Variants in CSMD1 observed in about 807,000 individuals in gnomAD.
CSMD1 encodes the protein CUB and sushi domain-containing protein 1.
In CSMD1, 213 loss-of-function variants were observed where a neutral mutation model predicts 417.5. The observed-to-expected ratio is 0.51, with a 90% CI of 0.46 to 0.57. CSMD1 has a LOEUF of 0.57. Ranked by LOEUF, CSMD1 falls within the 20% of genes least tolerant of loss-of-function variation. The pLI, the probability that CSMD1 is intolerant of heterozygous loss-of-function variation, is 0.00. For missense variants in CSMD1, 6,923 were observed against 4,529.7 expected, an observed-to-expected ratio of 1.53 and a Z score of -15.17; for synonymous variants, 2,862 against 1,736.8, an observed-to-expected ratio of 1.65 and a Z score of -16.11.
intron 7 of CSMD1, among the ~76,000 whole-genome samples, chr8:3,671,220 G>T (rs74365858): frequency 6.9e-6 from 1 of 145,544 alleles, no homozygotes; most frequent in Non-Finnish European, 1.5e-5. Flanking sequence ...TATAGGGGAT[G>T]TATGTATATG....
chr8:3,456,760 G>T (rs893188624), intron 12 of CSMD1, among the ~76,000 whole-genome samples: 1 of 152,086 alleles, frequency 6.6e-6, no homozygotes, highest in Non-Finnish European at 1.5e-5. Context: ...TGGGAGGAAA[G>T]CCTGCAGATG....
intron 3 of CSMD1, among the ~76,000 whole-genome samples, chr8:4,296,532 G>C (rs767731215): frequency 6.6e-6 from 1 of 151,860 alleles, no homozygotes; most frequent in Non-Finnish European, 1.5e-5. Flanking sequence ...CTGATGTTAA[G>C]CATTATTCAC....
chr8:4,685,701 G>C (rs1385268853), intron 1 of CSMD1, among the ~76,000 whole-genome samples: 1 of 152,232 alleles, frequency 6.6e-6, no homozygotes, highest in African/African-American at 2.4e-5. Context: ...GTACAAGGAA[G>C]TGAAACGGTA....
At chr8:3,798,481 G>C (rs1450836406) in intron 5 of CSMD1, among the ~76,000 whole-genome samples, 1 of 151,980 alleles carries the variant, frequency 6.6e-6, no homozygotes, top group Non-Finnish European at 1.5e-5. Flanking sequence ...ATATCTTGTG[G>C]ATATACTGCA....
At chr8:3,297,744 G>T (rs1347743654) in intron 25 of CSMD1, among the ~76,000 whole-genome samples, 1 of 152,092 alleles carries the variant, frequency 6.6e-6, no homozygotes, top group African/African-American at 2.4e-5. Context: ...TGGGGAGGGA[G>T]GAGCTAGCAA....
At chr8:3,473,991 T>C (rs1158003946) in intron 11 of CSMD1, among the ~76,000 whole-genome samples, 1 of 152,070 alleles carries the variant, frequency 6.6e-6, no homozygotes. Context: ...TAAAAACTCC[T>C]TCACCATTAT....
intron 1 of CSMD1, among the ~76,000 whole-genome samples, chr8:4,870,462 G>A (rs1278171034): frequency 6.6e-6 from 1 of 152,080 alleles, no homozygotes; most frequent in East Asian, 1.9e-4. Context: ...GAAATGTATA[G>A]AGCCAGTCTT....
At chr8:4,970,033 G>T (rs145846378) in intron 1 of CSMD1, among the ~76,000 whole-genome samples, 5 of 152,174 alleles carry the variant, frequency 3.3e-5, no homozygotes, top group Non-Finnish European at 7.4e-5. Flanking sequence ...AAATTGAAAT[G>T]CAAATGAATG....
At chr8:4,903,826 G>C (rs892474962) in intron 1 of CSMD1, among the ~76,000 whole-genome samples, 1 of 152,148 alleles carries the variant, frequency 6.6e-6, no homozygotes, top group Non-Finnish European at 1.5e-5. Flanking sequence ...AAACTCAAAT[G>C]GCCAAGAAGT....
At chr8:3,227,956 T>C (rs572367922) in intron 27 of CSMD1, among the ~76,000 whole-genome samples, 95 of 151,288 alleles carry the variant, frequency 6.3e-4, no homozygotes, top group African/African-American at 2.3e-3. Flanking sequence ...TTAGTAGAGA[T>C]AGGGTTTCAC....
intron 3 of CSMD1, among the ~76,000 whole-genome samples, chr8:4,097,166 A>G (rs1483201202): frequency 6.6e-6 from 1 of 152,108 alleles, no homozygotes; most frequent in Non-Finnish European, 1.5e-5. Flanking sequence ...CATGCTTACC[A>G]TTATATATGC....
At chr8:3,529,051 T>C (rs1371049633) in intron 10 of CSMD1, among the ~76,000 whole-genome samples, 2 of 152,212 alleles carry the variant, frequency 1.3e-5, no homozygotes, top group African/African-American at 2.4e-5. Context: ...AGGCTCACTT[T>C]AGTACAAGCT....
rs530444880 is a variant in CSMD1, at chr8:4,457,067, C to T, written c.303-37002G>A. On this transcript the variant is annotated intron_variant, in intron 2 of 69. Transcript: ENST00000635120. ...CATCTCAGAGAATTAAGCCCCATACCAGGTGTGTCTGGCACAGAGAAAAAT... is the reference window on the plus strand; with the variant it reads ...CATCTCAGAGAATTAAGCCCCATACTAGGTGTGTCTGGCACAGAGAAAAAT... Among the ~76,000 whole-genome samples, 5 of 151,256 alleles carry T rather than the reference C, an allele frequency of 3.3e-5. No homozygotes were observed. The South Asian group carries it at 8.4e-4, about 25-fold the overall frequency.
At chr8:4,237,910 T>C (rs547579716) in intron 3 of CSMD1, among the ~76,000 whole-genome samples, 12 of 152,284 alleles carry the variant, frequency 7.9e-5, no homozygotes, top group African/African-American at 2.6e-4. Context: ...AATAATAAAA[T>C]GTGAAGCTTT....
chr8:4,954,997 A>C (rs6558947), intron 1 of CSMD1, among the ~76,000 whole-genome samples: 98,521 of 152,178 alleles, frequency 0.65, 32,066 homozygotes, highest in East Asian at 0.82. Flanking sequence ...TGGGTTTTCA[A>C]TGTTCTTTCT....
At chr8:4,291,827 A>T (rs1421022193) in intron 3 of CSMD1, among the ~76,000 whole-genome samples, 3 of 152,360 alleles carry the variant, frequency 2.0e-5, no homozygotes, top group African/African-American at 4.8e-5. Flanking sequence ...CATGTAAACC[A>T]TATGGCCTTT....
At chr8:3,514,107 C>A (rs1475003950) in intron 10 of CSMD1, among the ~76,000 whole-genome samples, 2 of 152,086 alleles carry the variant, frequency 1.3e-5, no homozygotes, top group Admixed American at 6.5e-5. Context: ...CTTCTCTTGG[C>A]AGATAGGAGG....
intron 4 of CSMD1, among the ~76,000 whole-genome samples, chr8:4,020,115 C>A (rs1266749639): frequency 6.6e-6 from 1 of 152,080 alleles, no homozygotes; most frequent in Admixed American, 6.5e-5. Flanking sequence ...CTCTATGTGT[C>A]AGGCTCTTTG....
chr8:3,704,710 G>C (rs917662673), intron 7 of CSMD1: 4 of 152,160 alleles, frequency 2.6e-5, no homozygotes, highest in Non-Finnish European at 4.4e-5. Context: ...CAATAAGCTT[G>C]GATAACACCT....
Sources: gnomAD v4.1 joint callset for allele counts (sites outside exome capture counted in the v4.1 genomes callset) on GRCh38, gnomAD v4.1.1 for gene constraint, MANE v1.5 for transcripts, NCBI Gene and HGNC (gene_info 2026-07-23, HGNC 2026-07-21) for gene names.